The following ANK1 variants were observed in gnomAD, a reference collection of about 807,000 sequenced individuals.
ANK1 encodes ankyrin-1.
A neutral mutation model predicts 210.4 loss-of-function variants in ANK1; 51 were observed. The ratio of observed to expected loss-of-function variants is 0.24; its 90% CI spans 0.19 to 0.31. The LOEUF is 0.31. Ranked by LOEUF, ANK1 falls within the 10% of genes least tolerant of loss-of-function variation. ANK1 has a pLI of 1.00. For synonymous variants in ANK1, 967 were observed against 1,025.9 expected (o/e 0.94, Z 1.10); for missense variants, 2,051 against 2,504.4 (o/e 0.82, Z 3.86).
Position 41,696,447 on chromosome 8 carries a change from A to G in ANK1, c.2876T>C (p.Leu959Pro). The part of the protein sequence containing the change: ...ITCRLVKPQK[L>P]STPPPLAEEE... ...CTCGGCCAGTGGGGGCGGCGTGCTG[A>G]GCTTCTGGGGCTTGACCAGGCGGCA... The change falls in exon 26 of 43, where the codon CTC becomes CCC. Residue 959 changes from leucine to proline, a missense_variant. Around this residue, in one of 6 missense-constraint regions of ANK1, gnomAD observed 1,413 missense variants for 1,707.4 expected, o/e 0.83. Coordinates refer to ENST00000289734, the MANE Select transcript of ANK1 (RefSeq NM_000037.4). 6.2e-7 allele frequency: 1 copy of G among 1,613,280 alleles called. No homozygotes were observed.
chr8:41,729,226 A>G (rs1172770121), intron 3 of ANK1, among the ~76,000 whole-genome samples: 1 of 152,242 alleles, frequency 6.6e-6, no homozygotes, highest in Non-Finnish European at 1.5e-5. Flanking sequence ...AGTAAGCAAA[A>G]TGTAATGAGT....
chr8:41,748,096 C>T (rs1836638301), intron 2 of ANK1, among the ~76,000 whole-genome samples: 1 of 152,162 alleles, frequency 6.6e-6, no homozygotes, highest in African/African-American at 2.4e-5. Flanking sequence ...GTGACGTCAG[C>T]ATTAACGGTG....
intron 1 of ANK1, among the ~76,000 whole-genome samples, chr8:41,808,930 C>T (rs192701655): frequency 1.3e-5 from 2 of 152,294 alleles, no homozygotes; most frequent in East Asian, 3.9e-4. Flanking sequence ...ATGAGTGTTT[C>T]TCTGCACCGT....
chr8:41,844,419 C>T (rs1325469588), intron 1 of ANK1, among the ~76,000 whole-genome samples: 1 of 152,180 alleles, frequency 6.6e-6, no homozygotes, highest in Non-Finnish European at 1.5e-5. Context: ...GTAGAGAGGA[C>T]ACCCTCCCCA....
In ANK1 at chr8:41,704,463, T is replaced by C; in HGVS notation, c.2107A>G (p.Thr703Ala). Residue 703 changes from threonine to alanine, a missense_variant, in exon 19 of 43, where the codon ACT becomes GCT. Coordinates refer to ENST00000289734, the MANE Select transcript of ANK1 (RefSeq NM_000037.4). This position sits in a 1 kb window ranked among gnomAD's most constrained non-coding sequence, Gnocchi z 4.1. The part of the protein sequence containing the change: ...MVDATTRMGY[T>A]PLHVASHYGN... ...TAGTGACTGGCCACATGGAGGGGAG[T>C]GTAGCCCATCTGAAAAGCAGATGAG... 3.1e-6 allele frequency: 5 copies of C among 1,613,714 alleles called. No homozygotes were observed. Among genetic ancestry groups the C allele is most frequent in the Non-Finnish European group, 4.2e-6 (5 of 1,179,884 alleles).
rs1344004868 is a variant in ANK1, at chr8:41,769,867, A to AT, written c.28-11731dup. On this transcript the variant is annotated intron_variant, in intron 1 of 42. Transcript: ENST00000289734. Reference sequence around the variant, plus strand: ...TGCACCACATGGCTAATTAAAAAAAATTTTTTGTAGAGAAGGGGTCTGTTG... The same window carrying AT: ...TGCACCACATGGCTAATTAAAAAAAATTTTTTTGTAGAGAAGGGGTCTGTTG... Among the ~76,000 whole-genome samples the AT allele has an allele frequency of 3.3e-5, 5 of 151,800 alleles. 1 individual carries two copies. Among genetic ancestry groups the AT allele is most frequent in the Admixed American group, 2.0e-4 (3 of 15,242 alleles).
chr8:41,691,610 A>G lies in ANK1; in HGVS notation c.3859-1011T>C, dbSNP rs554796914. Among the ~76,000 whole-genome samples, 31 of 152,228 alleles carry G rather than the reference A, an allele frequency of 2.0e-4. No individual in the cohort carries two copies. In the East Asian group the frequency reaches 4.6e-3, roughly 23 times the overall value. ...TAGCCCCCATGCCTTCACTCTTCAC[A>G]TTATCTGTCGAGCCCTTTCCTCTGC... On this transcript the variant is annotated intron_variant, in intron 31 of 42. Transcript: ENST00000289734.
At chr8:41,865,532 G>A (rs908130748) in intron 1 of ANK1, among the ~76,000 whole-genome samples, 12 of 152,032 alleles carry the variant, frequency 7.9e-5, no homozygotes, top group East Asian at 3.9e-4. Context: ...CCAAATTCAC[G>A]GGTCCCACTG....
At chr8:41,662,496 C>T (rs1808756570) in intron 40 of ANK1, among the ~76,000 whole-genome samples, 2 of 152,220 alleles carry the variant, frequency 1.3e-5, no homozygotes, top group African/African-American at 2.4e-5. Context: ...ACCTCCCCCT[C>T]GAGCCCACAG....
intron 1 of ANK1, among the ~76,000 whole-genome samples, chr8:41,782,757 T>C (rs1463955786): frequency 6.6e-6 from 1 of 152,230 alleles, no homozygotes. Context: ...TCTAATCACC[T>C]ATGCGAAACT....
At chr8:41,743,129 C>T (rs964152426) in intron 2 of ANK1, among the ~76,000 whole-genome samples, 3 of 152,152 alleles carry the variant, frequency 2.0e-5, no homozygotes, top group African/African-American at 4.8e-5. Context: ...GAATATATTA[C>T]GTTTGCAGGT....
chr8:41,697,729 TA>T, intron 24 of ANK1: 1 of 442,374 alleles, frequency 2.3e-6, no homozygotes, highest in Non-Finnish European at 4.2e-6. Flanking sequence ...GTTCCTACCC[TA>T]GGCCAAGAGT....
At chr8:41,839,866 G>A (rs1808523424) in intron 1 of ANK1, among the ~76,000 whole-genome samples, 1 of 152,178 alleles carries the variant, frequency 6.6e-6, no homozygotes, top group Admixed American at 6.5e-5. Flanking sequence ...TCCGAATAAT[G>A]TATGGACGTC....
chr8:41,737,678 C>T (rs1018723117), intron 2 of ANK1, among the ~76,000 whole-genome samples: 5 of 152,200 alleles, frequency 3.3e-5, no homozygotes, highest in African/African-American at 1.2e-4. Flanking sequence ...ACATAGTCAC[C>T]CTAAATCACT....
At chr8:41,776,051 A>G (rs939688268) in intron 1 of ANK1, among the ~76,000 whole-genome samples, 1 of 152,194 alleles carries the variant, frequency 6.6e-6, no homozygotes, top group Non-Finnish European at 1.5e-5. Context: ...TCATTTGTCC[A>G]AAGTCCTCCA....
At chr8:41,740,050 C>A (rs111691881) in intron 2 of ANK1, among the ~76,000 whole-genome samples, 4 of 151,988 alleles carry the variant, frequency 2.6e-5, no homozygotes, top group African/African-American at 9.7e-5. Flanking sequence ...GCAATCCTTC[C>A]CCCTTCTCTG....
intron 10 of ANK1, among the ~76,000 whole-genome samples, chr8:41,718,730 G>T (rs778115458): frequency 1.1e-4 from 17 of 152,138 alleles, no homozygotes; most frequent in Admixed American, 2.0e-4. Context: ...GGAGGTGGTG[G>T]TGGGGGGGTA....
chr8:41,813,804 G>A (rs1802857308), intron 1 of ANK1, among the ~76,000 whole-genome samples: 2 of 152,106 alleles, frequency 1.3e-5, no homozygotes, highest in Admixed American at 6.5e-5. Context: ...GAGGTTCCTG[G>A]GCCTGCCAAG....
At chr8:41,764,605 G>A (rs1841326324) in intron 1 of ANK1, among the ~76,000 whole-genome samples, 2 of 152,134 alleles carry the variant, frequency 1.3e-5, no homozygotes. Flanking sequence ...CACAAGCCCT[G>A]GCCACCAGTG....
Sources: gnomAD v4.1 joint callset for allele counts (sites outside exome capture counted in the v4.1 genomes callset) on GRCh38, gnomAD v4.1.1 for gene constraint, gnomAD v4.1.1 regional missense constraint, Gnocchi (gnomAD v3.1) non-coding constraint, MANE v1.5 for transcripts, NCBI Gene and HGNC (gene_info 2026-07-23, HGNC 2026-07-21) for gene names.